ETS1: variants seen among roughly 807,000 people sequenced by gnomAD.
ETS1 encodes the protein ETS proto-oncogene 1, transcription factor.
In ETS1, 15 loss-of-function variants were observed where a neutral mutation model predicts 58.6. The ratio of observed to expected loss-of-function variants is 0.26; its 90% CI spans 0.17 to 0.39. The LOEUF (loss-of-function observed/expected upper bound fraction) is 0.39. Among genes scored for constraint, ETS1 ranks in the 10% least tolerant of loss-of-function variants. The probability of loss-of-function intolerance (pLI) is 1.00; values close to 1 mark genes in which losing one functional copy is unlikely to be tolerated. For synonymous variants in ETS1, 214 were observed against 218.2 expected (o/e 0.98, Z 0.17); for missense variants, 417 against 610.5 (o/e 0.68, Z 3.34).
intron 3 of ETS1, among the ~76,000 whole-genome samples, chr11:128,513,145 C>T (rs1213790254): frequency 6.6e-6 from 1 of 152,086 alleles, no homozygotes; most frequent in Non-Finnish European, 1.5e-5. Flanking sequence ...TGGAAGTAGC[C>T]CTTTACCAAA....
At chr11:128,578,438 G>A (rs1016616884) in intron 1 of ETS1, among the ~76,000 whole-genome samples, 6 of 152,138 alleles carry the variant, frequency 3.9e-5, no homozygotes, top group Middle Eastern at 3.4e-3. Context: ...GAAAAACTAC[G>A]CTTTTAGGTA....
intron 3 of ETS1, 136 bp downstream of exon 3, chr11:128,556,155 G>A (rs1864308861): frequency 1.4e-6 from 1 of 717,836 alleles, no homozygotes; most frequent in East Asian, 2.8e-5. Flanking sequence ...GAAGGCCCGG[G>A]ACTTTCCATT....
At chr11:128,497,017 G>T (rs953406927) in intron 3 of ETS1, among the ~76,000 whole-genome samples, 1 of 152,092 alleles carries the variant, frequency 6.6e-6, no homozygotes, top group Non-Finnish European at 1.5e-5. Flanking sequence ...GTCTATTATT[G>T]TCCCAAACAA....
At chr11:128,521,376 C>T (rs369862051) in intron 3 of ETS1, among the ~76,000 whole-genome samples, 7 of 152,170 alleles carry the variant, frequency 4.6e-5, no homozygotes, top group Non-Finnish European at 8.8e-5. Flanking sequence ...AATTCTCCTC[C>T]GATCTCCTTA....
intron 5 of ETS1, among the ~76,000 whole-genome samples, chr11:128,486,474 C>A (rs866997644): frequency 6.6e-6 from 1 of 152,226 alleles, no homozygotes; most frequent in African/African-American, 2.4e-5. Context: ...GTCGACCACA[C>A]TATAGCCAAA....
chr11:128,485,548 CCTA>C (rs1862606143), intron 6 of ETS1, among the ~76,000 whole-genome samples: 1 of 152,188 alleles, frequency 6.6e-6, no homozygotes, highest in South Asian at 2.1e-4. Context: ...GTGCAACAGG[CCTA>C]CATTCATTGT....
chr11:128,505,914 ATC>A (rs1182594901), intron 3 of ETS1, among the ~76,000 whole-genome samples: 2 of 152,182 alleles, frequency 1.3e-5, no homozygotes, highest in African/African-American at 4.8e-5. Context: ...AGCGCTCATT[ATC>A]TCTGTCCAGA....
intron 3 of ETS1, among the ~76,000 whole-genome samples, chr11:128,551,624 C>T (rs1864231210): frequency 6.6e-6 from 1 of 152,190 alleles, no homozygotes; most frequent in East Asian, 1.9e-4. Flanking sequence ...CACACACTTG[C>T]ATAGAAGTTG....
chr11:128,570,406 T>A (rs1466146216), intron 2 of ETS1, among the ~76,000 whole-genome samples: 1 of 151,694 alleles, frequency 6.6e-6, no homozygotes, highest in African/African-American at 2.4e-5. Context: ...ACCTGGCTAA[T>A]TTTTTTTGTA....
intron 3 of ETS1, among the ~76,000 whole-genome samples, chr11:128,490,821 C>G (rs10893880): frequency 0.17 from 26,230 of 150,406 alleles, 2,800 homozygotes; most frequent in Middle Eastern, 0.27. Context: ...TGGGTTCAAG[C>G]GATTCTCCTG....
chr11:128,535,289 G>C (rs1037591502), intron 3 of ETS1, among the ~76,000 whole-genome samples: 1 of 152,072 alleles, frequency 6.6e-6, no homozygotes, highest in African/African-American at 2.4e-5. Flanking sequence ...TGTTTTTCTT[G>C]TAAATTCGTT....
chr11:128,571,175 T>A (rs1284010589), intron 2 of ETS1, among the ~76,000 whole-genome samples: 4 of 151,912 alleles, frequency 2.6e-5, no homozygotes, highest in African/African-American at 7.3e-5. Flanking sequence ...ACGCTTGTAA[T>A]CCCAGCACTT....
At chr11:128,496,532 C>T (rs1224358866) in intron 3 of ETS1, among the ~76,000 whole-genome samples, 1 of 152,158 alleles carries the variant, frequency 6.6e-6, no homozygotes, top group African/African-American at 2.4e-5. Context: ...CCCCTTCAGA[C>T]CAACACAAAT....
chr11:128,580,646 A>G (rs1864847594), intron 1 of ETS1, among the ~76,000 whole-genome samples: 1 of 152,208 alleles, frequency 6.6e-6, no homozygotes, highest in Admixed American at 6.5e-5. Context: ...ATTCCTTCTT[A>G]TTTTAAGTAG....
Position 128,585,034 on chromosome 11 carries a change from A to T in ETS1, c.-15+2454T>A, listed in dbSNP as rs1180925041. Among the ~76,000 whole-genome samples the T allele has an allele frequency of 3.3e-4, 2 of 6,008 alleles. 1 individual carries two copies. The highest frequency in any genetic ancestry group is 5.3e-4 in the Non-Finnish European group (2 of 3,760). The allele number at this position is 6,008 out of a possible 152,430, so 3.9% of individuals were successfully genotyped here. A position where few individuals can be genotyped will look rare whatever the true frequency, so the allele number is the denominator to read the frequency against. On this transcript the variant is annotated intron_variant, in intron 1 of 9. Coordinates refer to ENST00000392668, the MANE Select transcript of ETS1 (RefSeq NM_001143820.2). ...AAGGAAAGAAAGAAGAAAGAAAGAAAAGAAAGAAAGAAAGAAAGAAAGAAA... is the reference window on the plus strand; with the variant it reads ...AAGGAAAGAAAGAAGAAAGAAAGAATAGAAAGAAAGAAAGAAAGAAAGAAA...
intron 8 of ETS1, among the ~76,000 whole-genome samples, chr11:128,471,761 A>C (rs1862193759): frequency 6.6e-6 from 1 of 152,242 alleles, no homozygotes; most frequent in Non-Finnish European, 1.5e-5. Context: ...CTAAGTGTGT[A>C]GGTAATGAGA....
chr11:128,585,040 GA>G (rs1227960040), intron 1 of ETS1, among the ~76,000 whole-genome samples: 2 of 8,356 alleles, frequency 2.4e-4, no homozygotes, highest in Admixed American at 1.4e-3. Context: ...AGAAAAGAAA[GA>G]AAGAAAGAAA....
intron 3 of ETS1, among the ~76,000 whole-genome samples, chr11:128,517,815 T>C (rs902804997): frequency 1.3e-5 from 2 of 151,996 alleles, no homozygotes; most frequent in African/African-American, 4.8e-5. Flanking sequence ...GTTTGTCTCC[T>C]GGAGGGAGGC....
intron 3 of ETS1, among the ~76,000 whole-genome samples, chr11:128,503,882 G>A (rs1364123404): frequency 6.6e-6 from 1 of 152,138 alleles, no homozygotes; most frequent in Non-Finnish European, 1.5e-5. Flanking sequence ...CACATGAGAT[G>A]GCCGTCCCTC....
Sources: gnomAD v4.1 joint callset for allele counts (sites outside exome capture counted in the v4.1 genomes callset) on GRCh38, gnomAD v4.1.1 for gene constraint, MANE v1.5 for transcripts, NCBI Gene and HGNC (gene_info 2026-07-23, HGNC 2026-07-21) for gene names.